The following DNASE1 variants were observed in gnomAD, a reference collection of about 807,000 sequenced individuals.
The protein encoded by DNASE1 is deoxyribonuclease-1.
DNASE1 carries 40 observed loss-of-function variants against 33.9 expected under a neutral mutation model. The observed-to-expected ratio is 1.18, with a 90% CI of 0.92 to 1.54. DNASE1 has a LOEUF of 1.54. Among genes scored for constraint, DNASE1 ranks in the 40% most tolerant of loss-of-function variants. The pLI, the probability that DNASE1 is intolerant of heterozygous loss-of-function variation, is 0.00. For synonymous variants in DNASE1, 216 were observed against 160.0 expected, an observed-to-expected ratio of 1.35 and a Z score of -2.64; for missense variants, 518 against 372.6, an observed-to-expected ratio of 1.39 and a Z score of -3.21.
exon 10 of DNASE1, chr16:3,663,164 G>A (rs2043178796): frequency 3.0e-6 from 2 of 659,658 alleles, no homozygotes; most frequent in Non-Finnish European, 2.5e-6. Context: ...ACTTGGTTAG[G>A]GCTTTAAAAA....
intron 1 of DNASE1, among the ~76,000 whole-genome samples, chr16:3,618,568 A>G (rs1038903631): frequency 6.6e-6 from 1 of 152,200 alleles, no homozygotes; most frequent in Non-Finnish European, 1.5e-5. Flanking sequence ...CGTCTCTACT[A>G]AAACTATAAA....
downstream of DNASE1, chr16:3,658,281 A>ATT (rs35081909): frequency 2.1e-3 from 2,604 of 1,213,778 alleles, 2 homozygotes; most frequent in South Asian, 3.0e-3. Flanking sequence ...GCACCTTTTC[A>ATT]TTTTTTTTTT....
chr16:3,618,777 A>G (rs1221691013), intron 1 of DNASE1, among the ~76,000 whole-genome samples: 1 of 152,238 alleles, frequency 6.6e-6, no homozygotes, highest in Non-Finnish European at 1.5e-5. Flanking sequence ...TATTCAGTCT[A>G]AATGCCCTTC....
At chr16:3,639,847 AGCTC>A, upstream of DNASE1, among the ~76,000 whole-genome samples, 2 of 152,178 alleles carry the variant, frequency 1.3e-5, no homozygotes, top group Non-Finnish European at 2.9e-5. Flanking sequence ...GGATCATTTG[AGCTC>A]AGGAGTTCAA....
intron 1 of DNASE1, among the ~76,000 whole-genome samples, chr16:3,633,469 G>C (rs1172343537): frequency 3.3e-5 from 5 of 152,038 alleles, no homozygotes; most frequent in African/African-American, 9.7e-5. Flanking sequence ...TTAGCCGGGC[G>C]TGGTGGTGGA....
intron 1 of DNASE1, among the ~76,000 whole-genome samples, chr16:3,637,419 T>G (rs905804442): frequency 3.3e-5 from 5 of 152,206 alleles, no homozygotes; most frequent in Middle Eastern, 3.2e-3. Flanking sequence ...GGTCTCAGTC[T>G]TTTTGTGAGC....
intron 1 of DNASE1, 89 bp from the exon 2 acceptor site, chr16:3,655,284 C>G: frequency 6.3e-7 from 1 of 1,576,092 alleles, no homozygotes; most frequent in East Asian, 2.3e-5. Context: ...CTCCACCAGC[C>G]CCTGCCAGCT....
upstream of DNASE1, chr16:3,654,251 A>C: frequency 5.0e-6 from 2 of 397,772 alleles, no homozygotes; most frequent in Non-Finnish European, 4.4e-6. Flanking sequence ...TACCTCAAGA[A>C]GGCTCCCCAC....
downstream of DNASE1, chr16:3,662,688 C>CA (rs2043154813): frequency 1.4e-6 from 1 of 697,644 alleles, no homozygotes; most frequent in Non-Finnish European, 2.6e-6. Context: ...GGGAGAAAGA[C>CA]ACGGCCTTCC....
downstream of DNASE1, chr16:3,661,618 G>A (rs1178556573): frequency 9.3e-6 from 2 of 214,754 alleles, no homozygotes; most frequent in Middle Eastern, 1.6e-3. Flanking sequence ...CCTCTGCATG[G>A]GCAACCCTCA....
At chr16:3,634,036 T>C (rs533376791) in intron 1 of DNASE1, among the ~76,000 whole-genome samples, 128 of 151,902 alleles carry the variant, frequency 8.4e-4, no homozygotes, top group African/African-American at 2.8e-3. Flanking sequence ...GGTCTCGATC[T>C]CCTGACCTCG....
chr16:3,656,651 T>A lies in DNASE1; in HGVS notation c.334T>A (p.Ser112Thr). Residue 112 changes from serine (S) to threonine (T), a missense_variant, in exon 5 of 9, where the codon TCT becomes ACT. Coordinates refer to ENST00000246949, the MANE Select transcript of DNASE1 (RefSeq NM_005223.4). ...GCCTTCCCGCAGGCCTGACCAGGTG[T>A]CTGCGGTGGACAGCTACTACTACGA... ...YLFVYRPDQV[S>T]AVDSYYYDDG... is the part of the protein sequence containing the mutation. The A allele has an allele frequency of 6.2e-7, 1 of 1,612,034 alleles. No individual in the cohort carries two copies. The highest frequency in any genetic ancestry group is 8.5e-7 in the Non-Finnish European group (1 of 1,179,082).
At chr16:3,619,979 A>G (rs868051295) in intron 1 of DNASE1, among the ~76,000 whole-genome samples, 1 of 146,246 alleles carries the variant, frequency 6.8e-6, no homozygotes, top group South Asian at 2.2e-4. Context: ...GCAGTGGCAT[A>G]ATCTCGCCTC....
chr16:3,662,891 G>T, downstream of DNASE1: 1 of 1,613,586 alleles, frequency 6.2e-7, no homozygotes, highest in Admixed American at 1.7e-5. Flanking sequence ...CCTTCACGTT[G>T]GTGACACGCG....
chr16:3,653,835 A>AAAAAAAC (rs1567205906), upstream of DNASE1: 2 of 146,190 alleles, frequency 1.4e-5, no homozygotes, highest in African/African-American at 5.1e-5. Context: ...AAAAAAAAAA[A>AAAAAAAC]AAAAAACTGA....
intron 4 of DNASE1, 74 bp downstream of exon 4, chr16:3,656,259 C>A: frequency 1.3e-6 from 2 of 1,499,656 alleles, no homozygotes; most frequent in South Asian, 1.1e-5. Flanking sequence ...AGTAGTTTGT[C>A]CTATTAGTTT....
At chr16:3,619,627 C>T (rs952655742) in intron 1 of DNASE1, among the ~76,000 whole-genome samples, 3 of 152,000 alleles carry the variant, frequency 2.0e-5, no homozygotes, top group African/African-American at 7.3e-5. Flanking sequence ...TCCCAAAGTG[C>T]TGGGATTACA....
At chr16:3,658,898 C>T (rs374814523), downstream of DNASE1, 1 of 1,611,260 alleles carries the variant, frequency 6.2e-7, no homozygotes, top group Non-Finnish European at 8.5e-7. Context: ...AAAAGCAGCT[C>T]AGTACCACGT....
intron 1 of DNASE1, among the ~76,000 whole-genome samples, chr16:3,635,080 G>C (rs1411843681): frequency 1.3e-5 from 2 of 151,868 alleles, no homozygotes; most frequent in South Asian, 2.1e-4. Context: ...TCAGCCTCTT[G>C]AGTAACTGGG....
Sources: allele counts gnomAD v4.1 joint callset (sites outside exome capture counted in the v4.1 genomes callset), GRCh38; gene constraint gnomAD v4.1.1; transcripts MANE v1.5; gene names NCBI Gene and HGNC (gene_info 2026-07-23, HGNC 2026-07-21).